The following SLC26A7 variants were observed in gnomAD, a reference collection of about 807,000 sequenced individuals.
SLC26A7 encodes the protein anion exchange transporter.
A neutral mutation model predicts 82.5 loss-of-function variants in SLC26A7; 59 were observed. The ratio of observed to expected loss-of-function variants is 0.72; its 90% CI spans 0.58 to 0.89. The LOEUF (loss-of-function observed/expected upper bound fraction) is 0.89. SLC26A7 is among the 40% of genes least tolerant of loss of function. The probability of loss-of-function intolerance (pLI) is 0.00; values close to 1 mark genes in which losing one functional copy is unlikely to be tolerated. For synonymous variants in SLC26A7, 271 were observed against 274.3 expected (o/e 0.99, Z 0.12); for missense variants, 820 against 793.0 (o/e 1.03, Z -0.41).
intron 15 of SLC26A7, among the ~76,000 whole-genome samples, chr8:91,373,796 T>G (rs1814431164): frequency 6.6e-6 from 1 of 151,934 alleles, no homozygotes; most frequent in African/African-American, 2.4e-5. Flanking sequence ...TTCAATGAGC[T>G]TGGCACTAGC....
intron 4 of SLC26A7, among the ~76,000 whole-genome samples, chr8:91,315,807 T>A (rs1246324325): frequency 2.0e-5 from 3 of 152,190 alleles, no homozygotes; most frequent in Admixed American, 6.5e-5. Flanking sequence ...TAGGTAAATA[T>A]GTGTGACACC....
At chr8:91,224,011 GT>G in intron 2 of SLC26A7, among the ~76,000 whole-genome samples, 1 of 151,730 alleles carries the variant, frequency 6.6e-6, no homozygotes, top group East Asian at 2.0e-4. Flanking sequence ...CTTGTGCTGT[GT>G]TTTTTTAGCT....
intron 11 of SLC26A7, among the ~76,000 whole-genome samples, chr8:91,354,478 G>A (rs1813806647): frequency 6.6e-6 from 1 of 152,066 alleles, no homozygotes; most frequent in South Asian, 2.1e-4. Context: ...GGGTTGGATT[G>A]GGCAAGGCAA....
chr8:91,355,663 G>T (rs1281628244), intron 11 of SLC26A7, among the ~76,000 whole-genome samples: 1 of 150,012 alleles, frequency 6.7e-6, no homozygotes, highest in Non-Finnish European at 1.5e-5. Flanking sequence ...TATATTTAAG[G>T]TTTTTTTTCC....
chr8:91,230,137 G>A (rs1248782383), intron 2 of SLC26A7, among the ~76,000 whole-genome samples: 1 of 152,068 alleles, frequency 6.6e-6, no homozygotes, highest in Non-Finnish European at 1.5e-5. Context: ...TATATCACGA[G>A]TGTGTTCCTT....
At chr8:91,368,653 G>C (rs1258146492) in intron 14 of SLC26A7, among the ~76,000 whole-genome samples, 2 of 151,994 alleles carry the variant, frequency 1.3e-5, no homozygotes, top group African/African-American at 2.4e-5. Flanking sequence ...TCGATCTCCT[G>C]ACCTCGTGAT....
chr8:91,242,952 A>G (rs1194985219), intron 2 of SLC26A7, among the ~76,000 whole-genome samples: 1 of 152,230 alleles, frequency 6.6e-6, no homozygotes, highest in Non-Finnish European at 1.5e-5. Context: ...CAAGATATCA[A>G]ACAAGGTTTA....
At chr8:91,322,180 A>G (rs1481004965) in intron 5 of SLC26A7, among the ~76,000 whole-genome samples, 2 of 152,206 alleles carry the variant, frequency 1.3e-5, no homozygotes, top group Non-Finnish European at 2.9e-5. Flanking sequence ...TTGAAAATTT[A>G]TAAAACCTTT....
chr8:91,211,614 A>G (rs62526739), intron 1 of SLC26A7, among the ~76,000 whole-genome samples: 2 of 140,748 alleles, frequency 1.4e-5, no homozygotes, highest in South Asian at 4.3e-4. Flanking sequence ...ATATATATAT[A>G]TATTTTTTTT....
At chr8:91,365,330 A>T (rs1227978148) in intron 13 of SLC26A7, among the ~76,000 whole-genome samples, 2 of 151,940 alleles carry the variant, frequency 1.3e-5, no homozygotes, top group Non-Finnish European at 2.9e-5. Flanking sequence ...AATTGCAAAA[A>T]AGTCTCATAA....
chr8:91,267,120 G>A (rs775572940), intron 2 of SLC26A7, among the ~76,000 whole-genome samples: 1 of 151,710 alleles, frequency 6.6e-6, no homozygotes, highest in Non-Finnish European at 1.5e-5. Flanking sequence ...TTTCTTTTTT[G>A]TGTGTGTTGT....
intron 9 of SLC26A7, among the ~76,000 whole-genome samples, chr8:91,351,243 G>T (rs559533189): frequency 9.7e-4 from 147 of 152,188 alleles, no homozygotes; most frequent in African/African-American, 3.3e-3. Context: ...GATACTAATG[G>T]CTTTTCAGGT....
chr8:91,389,851 C>T (rs1318212878), intron 16 of SLC26A7, among the ~76,000 whole-genome samples: 1 of 152,126 alleles, frequency 6.6e-6, no homozygotes, highest in Non-Finnish European at 1.5e-5. Context: ...TACAGTTTGG[C>T]CTAATATCAT....
intron 9 of SLC26A7, among the ~76,000 whole-genome samples, 155 bp downstream of exon 9, chr8:91,343,621 A>G (rs1813480956): frequency 6.6e-6 from 1 of 152,146 alleles, no homozygotes; most frequent in African/African-American, 2.4e-5. Flanking sequence ...TCTCTCTCTC[A>G]TCTCTATCCC....
At position 91,213,025 on chromosome 8, in the gene SLC26A7, T is replaced by C. The variant is rs543256435; in HGVS notation, c.-150+3483T>C. Reference sequence around the variant, plus strand: ...TACAGTCACAGTAGTATTCTGTATCTATAATTTTTTTTCTTCTAAATAATC... The same window carrying C: ...TACAGTCACAGTAGTATTCTGTATCCATAATTTTTTTTCTTCTAAATAATC... On this transcript the variant is annotated intron_variant, in intron 1 of 5. Transcript: ENST00000522862. Among the ~76,000 whole-genome samples the C allele has an allele frequency of 1.1e-4, 16 of 152,290 alleles. No homozygotes were observed. In the East Asian group the frequency reaches 1.7e-3, roughly 17 times the overall value.
rs569696284 is a variant in SLC26A7, at chr8:91,237,972, T to G, written c.-33-11647T>G. Among the ~76,000 whole-genome samples, 15 of 152,342 alleles carry G rather than the reference T, an allele frequency of 9.8e-5. No homozygotes were observed. In the South Asian group the frequency reaches 2.9e-3, roughly 29 times the overall value. On this transcript the variant is annotated intron_variant, in intron 2 of 5. Transcript: ENST00000522862. The stretch of plus-strand genomic sequence containing the variant: ...CACCTTATTGTGGTGGATTCCAAGA[T>G]TCCCATTCTCATCTCTCCTGTAATA...
intron 15 of SLC26A7, among the ~76,000 whole-genome samples, chr8:91,375,311 G>T (rs1424655240): frequency 6.6e-6 from 1 of 152,092 alleles, no homozygotes; most frequent in Non-Finnish European, 1.5e-5. Flanking sequence ...AGTCTCAAAT[G>T]TGTAATTGCT....
rs1190664955 is a variant in SLC26A7 at position 91,396,035 on chromosome 8, G to A, written c.*938G>A. 1 of 151,974 alleles carries A rather than the reference G, an allele frequency of 6.6e-6. No homozygotes were observed. Among genetic ancestry groups the A allele is most frequent in the African/African-American group, 2.4e-5 (1 of 41,412 alleles). 9.4% of individuals were successfully genotyped at this position (151,974 alleles called of 1,614,324 possible). A position where few individuals can be genotyped will look rare whatever the true frequency, so the allele number is the denominator to read the frequency against. ...TATGTTTATCTATATCCATATGGAT[G>A]GATAGGTAGGTAGATCTTCATAGAT... On this transcript the variant is annotated 3_prime_UTR_variant, in exon 19 of 19. Transcript: ENST00000276609.
At chr8:91,390,134 G>A (rs1190732964) in intron 16 of SLC26A7, among the ~76,000 whole-genome samples, 1 of 145,558 alleles carries the variant, frequency 6.9e-6, no homozygotes, top group African/African-American at 2.6e-5. Flanking sequence ...TTTCTGAGAC[G>A]GAGTCTCGCT....
Sources: allele counts gnomAD v4.1 joint callset (sites outside exome capture counted in the v4.1 genomes callset), GRCh38; gene constraint gnomAD v4.1.1; transcripts MANE v1.5; gene names NCBI Gene and HGNC (gene_info 2026-07-23, HGNC 2026-07-21).